XPR1: variants seen among roughly 807,000 people sequenced by gnomAD.
The protein encoded by XPR1 is xenotropic and polytropic retrovirus receptor 1.
In XPR1, 28 loss-of-function variants were observed where a neutral mutation model predicts 87.5. That is an observed-to-expected ratio of 0.32 (90% CI 0.24 to 0.44). XPR1 has a LOEUF of 0.44. Among genes scored for constraint, XPR1 ranks in the 20% least tolerant of loss-of-function variants. The pLI is 1.00. For missense variants in XPR1, 559 were observed against 862.3 expected (o/e 0.65, Z 4.41); for synonymous variants, 300 against 306.1 (o/e 0.98, Z 0.21).
At chr1:180,826,252 T>C (rs1338571745) in intron 9 of XPR1, among the ~76,000 whole-genome samples, 1 of 152,104 alleles carries the variant, frequency 6.6e-6, no homozygotes, top group African/African-American at 2.4e-5. Context: ...AGCCAGCTCT[T>C]TTTGAAAATC....
intron 2 of XPR1, among the ~76,000 whole-genome samples, chr1:180,745,554 A>C (rs909100289): frequency 1.3e-5 from 2 of 152,088 alleles, no homozygotes; most frequent in Non-Finnish European, 2.9e-5. Flanking sequence ...ACAGGGTTTC[A>C]TGGGAGTTTG....
chr1:180,816,938 AT>A (rs976617224), intron 7 of XPR1, among the ~76,000 whole-genome samples: 2 of 152,196 alleles, frequency 1.3e-5, no homozygotes, highest in African/African-American at 4.8e-5. Context: ...CATTAATAGA[AT>A]AGGAGATGAC....
At chr1:180,770,695 A>G (rs1477041714) in intron 2 of XPR1, among the ~76,000 whole-genome samples, 1 of 152,184 alleles carries the variant, frequency 6.6e-6, no homozygotes, top group Non-Finnish European at 1.5e-5. Context: ...AACTAAAAAT[A>G]ACTTTGTTTA....
At chr1:180,848,487 A>C (rs1252702776) in intron 11 of XPR1, among the ~76,000 whole-genome samples, 1 of 152,168 alleles carries the variant, frequency 6.6e-6, no homozygotes, top group African/African-American at 2.4e-5. Context: ...TGGGAATTAC[A>C]GGATTTCATT....
rs141769555 is a variant in XPR1, at chr1:180,682,568, A to C, written c.121+157A>C. ...ATATATTATGATTATTTTATATTTTATTCTAAATTTTTCTCTTGTCTAGCT... is the reference window on the plus strand; with the variant it reads ...ATATATTATGATTATTTTATATTTTCTTCTAAATTTTTCTCTTGTCTAGCT... On this transcript the variant is annotated intron_variant, in intron 2 of 14. Transcript: ENST00000367590. Among the ~76,000 whole-genome samples, 443 of 151,590 alleles carry C rather than the reference A, an allele frequency of 2.9e-3. 3 individuals are homozygous for C. The highest frequency in any genetic ancestry group is 9.7e-3 in the African/African-American group (401 of 41,378).
At chr1:180,845,388 C>G (rs1388265960) in intron 11 of XPR1, among the ~76,000 whole-genome samples, 2 of 152,176 alleles carry the variant, frequency 1.3e-5, no homozygotes, top group Admixed American at 1.3e-4. Flanking sequence ...CTGAAATAAT[C>G]TAACAAATGT....
chr1:180,651,072 A>G (rs1006151813), intron 1 of XPR1, among the ~76,000 whole-genome samples: 8 of 151,444 alleles, frequency 5.3e-5, no homozygotes, highest in African/African-American at 1.9e-4. Context: ...TATCTTGGAA[A>G]CTGAATGATA....
chr1:180,676,338 A>G (rs913288200), intron 1 of XPR1, among the ~76,000 whole-genome samples: 1 of 152,206 alleles, frequency 6.6e-6, no homozygotes, highest in East Asian at 1.9e-4. Flanking sequence ...CATTCCTACT[A>G]TACCCAAGAA....
At chr1:180,636,157 A>G (rs1453661693) in intron 1 of XPR1, among the ~76,000 whole-genome samples, 1 of 152,098 alleles carries the variant, frequency 6.6e-6, no homozygotes, top group African/African-American at 2.4e-5. Context: ...ATTATTAACG[A>G]TTTTCATTTA....
At chr1:180,651,108 C>CT (rs111392505) in intron 1 of XPR1, among the ~76,000 whole-genome samples, 8,885 of 142,700 alleles carry the variant, frequency 0.062, 866 homozygotes, top group African/African-American at 0.21. Flanking sequence ...GAATCCATTT[C>CT]TTTTTTTTTT....
intron 2 of XPR1, among the ~76,000 whole-genome samples, chr1:180,768,220 G>T (rs1268388958): frequency 6.6e-6 from 1 of 150,690 alleles, no homozygotes; most frequent in African/African-American, 2.5e-5. Context: ...ATTTACTATA[G>T]AGTTTTTTTT....
At chr1:180,728,388 TAA>T (rs1316500818) in intron 2 of XPR1, among the ~76,000 whole-genome samples, 2 of 151,534 alleles carry the variant, frequency 1.3e-5, no homozygotes, top group African/African-American at 4.9e-5. Flanking sequence ...CAGCCAGCTA[TAA>T]AGACTTGAAA....
At position 180,850,961 on chromosome 1, in the gene XPR1, T is replaced by TA. The variant is rs34627089; in HGVS notation, c.1502-12730dup. On this transcript the variant is annotated intron_variant, in intron 11 of 14. Transcript: ENST00000367590. The stretch of plus-strand genomic sequence containing the variant: ...GCAACAGATTGAGACCCTGTGTCTT[T>TA]AAAAAAAAAAAAAAAAAGGATTATA... Among the ~76,000 whole-genome samples the TA allele has an allele frequency of 8.6e-3, 1,200 of 139,354 alleles. 16 individuals carry two copies. The highest frequency in any genetic ancestry group is 0.029 in the African/African-American group (1,104 of 38,058). The allele number at this position is 139,354 out of a possible 152,430, so 91.4% of individuals were successfully genotyped here.
At chr1:180,698,868 A>T (rs1423802392) in intron 2 of XPR1, among the ~76,000 whole-genome samples, 1 of 152,142 alleles carries the variant, frequency 6.6e-6, no homozygotes, top group Non-Finnish European at 1.5e-5. Flanking sequence ...TGTAGTGAGA[A>T]ATCTGCTGTT....
At chr1:180,668,299 G>T (rs1248492249) in intron 1 of XPR1, among the ~76,000 whole-genome samples, 1 of 151,228 alleles carries the variant, frequency 6.6e-6, no homozygotes, top group Non-Finnish European at 1.5e-5. Context: ...TGGCTAATTT[G>T]TGGGCTTTTA....
At chr1:180,756,865 T>C (rs1647768037) in intron 2 of XPR1, among the ~76,000 whole-genome samples, 1 of 152,218 alleles carries the variant, frequency 6.6e-6, no homozygotes, top group Admixed American at 6.5e-5. Flanking sequence ...CTTCATTCTT[T>C]TGCATATGAT....
At chr1:180,670,145 A>G (rs1656115994) in intron 1 of XPR1, among the ~76,000 whole-genome samples, 1 of 152,166 alleles carries the variant, frequency 6.6e-6, no homozygotes, top group Non-Finnish European at 1.5e-5. Flanking sequence ...AGTGTCTTGT[A>G]GAAGCTTATA....
intron 14 of XPR1, among the ~76,000 whole-genome samples, chr1:180,881,894 A>G (rs1002978314): frequency 2.6e-5 from 4 of 152,180 alleles, no homozygotes; most frequent in Non-Finnish European, 5.9e-5. Context: ...AGAGGTAGGA[A>G]TAGTCAGGGA....
chr1:180,672,990 T>A (rs1656237293), intron 1 of XPR1, among the ~76,000 whole-genome samples: 1 of 152,152 alleles, frequency 6.6e-6, no homozygotes, highest in African/African-American at 2.4e-5. Flanking sequence ...TCCAGTAGAT[T>A]GTAAAGTGCT....
Sources: allele counts gnomAD v4.1 joint callset (sites outside exome capture counted in the v4.1 genomes callset), GRCh38; gene constraint gnomAD v4.1.1; transcripts MANE v1.5; gene names NCBI Gene and HGNC (gene_info 2026-07-23, HGNC 2026-07-21).